Variants in SLC17A1 observed in about 807,000 individuals in gnomAD.
SLC17A1 encodes the protein solute carrier family 17 member 1, also known as sodium-dependent phosphate transport protein 1.
Under a neutral mutation model 53.5 loss-of-function variants are expected in SLC17A1, and 51 were observed. That is an observed-to-expected ratio of 0.95 (90% confidence interval 0.76 to 1.20). SLC17A1 has a LOEUF of 1.20. Ranked by LOEUF, SLC17A1 falls within the 50% of genes most tolerant of loss-of-function variation. The probability of loss-of-function intolerance (pLI) is 0.00; values close to 1 mark genes in which losing one functional copy is unlikely to be tolerated. For synonymous variants in SLC17A1, 179 were observed against 198.8 expected (o/e 0.90, Z 0.84); for missense variants, 538 against 568.2 (o/e 0.95, Z 0.54).
intron 3 of SLC17A1, among the ~76,000 whole-genome samples, chr6:25,824,740 G>T (rs1378750929): frequency 1.3e-5 from 2 of 151,628 alleles, no homozygotes; most frequent in African/African-American, 2.4e-5. Flanking sequence ...CATATAAAAT[G>T]CTCAGTTAAA....
At chr6:25,772,477 A>G in the SLC17A1 span, among the ~76,000 whole-genome samples, 3 of 152,304 alleles carry the variant, frequency 2.0e-5, no homozygotes, top group Non-Finnish European at 4.4e-5. Context: ...AGCCAAACAA[A>G]GAGAGCTCAT....
chr6:25,726,576 C>T, the SLC17A1 span: 1 of 1,561,064 alleles, frequency 6.4e-7, no homozygotes, highest in East Asian at 2.3e-5. Flanking sequence ...TCTAGGGCTG[C>T]TACTGGGCCT....
chr6:25,776,553 G>A, the SLC17A1 span: 1 of 1,553,002 alleles, frequency 6.4e-7, no homozygotes. Context: ...CGTGGTGGGG[G>A]TGGTAAGGGC....
chr6:25,768,503 C>G, the SLC17A1 span: 5 of 522,442 alleles, frequency 9.6e-6, no homozygotes, highest in Non-Finnish European at 1.2e-5. Flanking sequence ...GCCTATCTTT[C>G]AAGTTTCATC....
At chr6:25,776,707 G>A in the SLC17A1 span, 2 of 1,613,830 alleles carry the variant, frequency 1.2e-6, no homozygotes, top group East Asian at 2.2e-5. Flanking sequence ...ATCACCATCA[G>A]GAAACTCTTC....
intron 10 of SLC17A1, among the ~76,000 whole-genome samples, chr6:25,803,930 GTAAA>G (rs900830849): frequency 6.6e-5 from 10 of 152,098 alleles, no homozygotes; most frequent in African/African-American, 2.4e-4. Context: ...CAGAGAGAAG[GTAAA>G]TAATTTGTTT....
At chr6:25,751,821 G>C in the SLC17A1 span, among the ~76,000 whole-genome samples, 1 of 151,498 alleles carries the variant, frequency 6.6e-6, no homozygotes, top group African/African-American at 2.4e-5. Flanking sequence ...CTCAAGACCT[G>C]ATATCCACTG....
intron 12 of SLC17A1, among the ~76,000 whole-genome samples, chr6:25,789,594 T>C (rs1307681774): frequency 6.6e-6 from 1 of 152,180 alleles, no homozygotes; most frequent in Admixed American, 6.5e-5. Flanking sequence ...GACTCCGGTA[T>C]AATGACCTGA....
Position 25,819,525 on chromosome 6 carries a change from G to A in SLC17A1, c.515C>T (p.Ser172Phe), listed in dbSNP as rs1561840260. The A allele has an allele frequency of 6.2e-7, 1 of 1,613,234 alleles. No individual in the cohort carries two copies. Among genetic ancestry groups the A allele is most frequent in the Non-Finnish European group, 8.5e-7 (1 of 1,179,186 alleles). Residue 172 changes from serine (S) to phenylalanine (F), a missense_variant, in exon 5 of 13, where the codon TCT becomes TTT. Physicochemically the swap from Ser to Phe is radical, Grantham distance 155 (BLOSUM62 -2). Coordinates refer to ENST00000244527, the MANE Select transcript of SLC17A1 (RefSeq NM_005074.5). ...APPLERGRLT[S>F]MSTSGFLLGP... ...TAATTCTTTACCTGATGTACTCATA[G>A]AAGTAAGTCGGCCTCGTTCCAGGGG...
the SLC17A1 span, among the ~76,000 whole-genome samples, chr6:25,757,133 C>A: frequency 6.6e-6 from 1 of 152,172 alleles, no homozygotes; most frequent in African/African-American, 2.4e-5. Context: ...GTTCCATGGT[C>A]TAACATCTGT....
the SLC17A1 span, among the ~76,000 whole-genome samples, chr6:25,741,142 A>G: frequency 6.6e-6 from 1 of 152,212 alleles, no homozygotes; most frequent in African/African-American, 2.4e-5. Context: ...TATATTTTAA[A>G]TTAGCTAAAA....
At chr6:25,788,946 TAA>T in intron 12 of SLC17A1, among the ~76,000 whole-genome samples, 1 of 152,224 alleles carries the variant, frequency 6.6e-6, no homozygotes, top group South Asian at 2.1e-4. Flanking sequence ...AGTACTGGTG[TAA>T]ATTCATGGAT....
chr6:25,752,918 G>C, the SLC17A1 span, among the ~76,000 whole-genome samples: 17 of 151,298 alleles, frequency 1.1e-4, no homozygotes, highest in African/African-American at 4.1e-4. Context: ...CGCCACTGCA[G>C]TCCAGCCTGG....
At chr6:25,818,720 C>T (rs1764444602) in intron 6 of SLC17A1, among the ~76,000 whole-genome samples, 1 of 152,066 alleles carries the variant, frequency 6.6e-6, no homozygotes, top group African/African-American at 2.4e-5. Context: ...GGTAGTGCTC[C>T]ACATCATGCT....
intron 11 of SLC17A1, 135 bp from the exon 12 acceptor site, chr6:25,799,054 A>G: frequency 1.5e-6 from 1 of 668,388 alleles, no homozygotes; most frequent in Non-Finnish European, 2.3e-6. Context: ...TACATAGCCG[A>G]AAACGTCATC....
rs970317647 is a variant in SLC17A1, at chr6:25,830,558, A to G, written c.-1T>C. 2 of 1,613,994 alleles carry G rather than the reference A, an allele frequency of 1.2e-6. No homozygotes were observed. Among genetic ancestry groups the G allele is most frequent in the Non-Finnish European group, 1.7e-6 (2 of 1,179,874 alleles). ...GAGGCAACCGGTTATCCATTTGCAT[A>G]CACGGCTGAAGTTGCTTCTCTTCTT... is the stretch of plus-strand genomic sequence containing the variant. On this transcript the variant is annotated 5_prime_UTR_variant, in exon 2 of 13. Transcript: ENST00000244527.
At chr6:25,737,773 T>G in the SLC17A1 span, among the ~76,000 whole-genome samples, 2 of 152,174 alleles carry the variant, frequency 1.3e-5, no homozygotes, top group African/African-American at 4.8e-5. Flanking sequence ...TAGGAATTCC[T>G]TCAAAAGAGT....
At chr6:25,727,047 C>T in the SLC17A1 span, 1,997 of 1,614,236 alleles carry the variant, frequency 1.2e-3, 10 homozygotes, top group African/African-American at 0.018. Flanking sequence ...CTACAAAGTG[C>T]TAAAGCAGGT....
the SLC17A1 span, chr6:25,770,335 A>G: frequency 6.2e-7 from 1 of 1,613,802 alleles, no homozygotes; most frequent in Non-Finnish European, 8.5e-7. Context: ...AGTGGAATAT[A>G]GGTTCCAGAA....
Sources: allele counts gnomAD v4.1 joint callset (sites outside exome capture counted in the v4.1 genomes callset), GRCh38; gene constraint gnomAD v4.1.1; transcripts MANE v1.5; gene names NCBI Gene and HGNC (gene_info 2026-07-23, HGNC 2026-07-21).